The following SCTR variants were observed in gnomAD, a reference collection of about 807,000 sequenced individuals.
The protein encoded by SCTR is secretin receptor.
A neutral mutation model predicts 60.8 loss-of-function variants in SCTR; 56 were observed. The ratio of observed to expected loss-of-function variants is 0.92; its 90% CI spans 0.74 to 1.15. The LOEUF (loss-of-function observed/expected upper bound fraction) is 1.15, where lower values mean the gene tolerates loss of function less well. Among genes scored for constraint, SCTR ranks in the 50% most tolerant of loss-of-function variants. The probability of loss-of-function intolerance (pLI) is 0.00; values close to 1 mark genes in which losing one functional copy is unlikely to be tolerated. For synonymous variants in SCTR, 202 were observed against 217.0 expected (o/e 0.93, Z 0.61); for missense variants, 562 against 550.4 (o/e 1.02, Z -0.21).
chr2:119,514,204 GC>G, intron 1 of SCTR, among the ~76,000 whole-genome samples: 1 of 152,270 alleles, frequency 6.6e-6, no homozygotes, highest in Non-Finnish European at 1.5e-5. Flanking sequence ...ACCAACAACT[GC>G]CCCCTGGGAA....
At chr2:119,512,770 A>G (rs1219246164) in intron 1 of SCTR, among the ~76,000 whole-genome samples, 1 of 152,184 alleles carries the variant, frequency 6.6e-6, no homozygotes, top group Non-Finnish European at 1.5e-5. Context: ...TGTTTCATAC[A>G]TTTAACTTCC....
At chr2:119,490,582 C>G (rs1383097956) in intron 2 of SCTR, among the ~76,000 whole-genome samples, 2 of 152,196 alleles carry the variant, frequency 1.3e-5, no homozygotes, top group African/African-American at 4.8e-5. Context: ...TTCCTTTATT[C>G]CTTCCTCCAA....
chr2:119,442,956 C>A (rs935640076), intron 11 of SCTR, among the ~76,000 whole-genome samples: 1 of 152,042 alleles, frequency 6.6e-6, no homozygotes, highest in Non-Finnish European at 1.5e-5. Context: ...CATTTAACCT[C>A]GCCAAAGCTC....
At chr2:119,508,197 G>A (rs1024830078) in intron 1 of SCTR, among the ~76,000 whole-genome samples, 3 of 152,060 alleles carry the variant, frequency 2.0e-5, no homozygotes, top group African/African-American at 2.4e-5. Flanking sequence ...CCTCTTCTAC[G>A]TGTGGATATT....
At chr2:119,517,455 T>C (rs1298509029) in intron 1 of SCTR, among the ~76,000 whole-genome samples, 5 of 152,170 alleles carry the variant, frequency 3.3e-5, no homozygotes, top group African/African-American at 1.2e-4. Flanking sequence ...CCACCGTGCT[T>C]AGTCTACAAT....
chr2:119,480,593 A>T (rs1677555173), intron 2 of SCTR: 2 of 152,240 alleles, frequency 1.3e-5, no homozygotes, highest in Non-Finnish European at 2.9e-5. Context: ...AGTCCCTCAC[A>T]AATTAAACAA....
At position 119,461,960 on chromosome 2, in the gene SCTR, A is replaced by G; in HGVS notation, c.677T>C (p.Ile226Thr). Reference protein sequence around the residue: ...KLVMVLFQYCIMANYSWLLVE... With the variant: ...KLVMVLFQYCTMANYSWLLVE... ...CAGCAGCCAGGAGTAGTTGGCCATG[A>G]TGCAGTACTGGAACAGCACCATGAC... Residue 226 changes from isoleucine to threonine, a missense_variant, in exon 7 of 13, where the codon ATC becomes ACC. Ile to Thr is a moderately conservative substitution (Grantham distance 89). Coordinates refer to ENST00000019103, the MANE Select transcript of SCTR (RefSeq NM_002980.3). 1 of 1,613,866 alleles carries G rather than the reference A, an allele frequency of 6.2e-7. No homozygotes were observed. Among genetic ancestry groups the G allele is most frequent in the Non-Finnish European group, 8.5e-7 (1 of 1,179,902 alleles).
At chr2:119,445,048 C>T (rs1292771235) in intron 11 of SCTR, among the ~76,000 whole-genome samples, 1 of 150,926 alleles carries the variant, frequency 6.6e-6, no homozygotes, top group Non-Finnish European at 1.5e-5. Flanking sequence ...CATCAACATT[C>T]GTATGAGAAC....
intron 1 of SCTR, among the ~76,000 whole-genome samples, chr2:119,495,159 A>G (rs6708060): frequency 0.067 from 10,267 of 152,204 alleles, 1,146 homozygotes; most frequent in African/African-American, 0.23. Context: ...AGATATATAT[A>G]CACACACATA....
At chr2:119,478,754 C>A in intron 3 of SCTR, 57 bp downstream of exon 3, 1 of 1,559,736 alleles carries the variant, frequency 6.4e-7, no homozygotes, top group Non-Finnish European at 8.8e-7. Context: ...AGCTGAGGCC[C>A]CACCCAGAGG....
At position 119,461,876 on chromosome 2, in the gene SCTR, T is replaced by C. The variant is rs1405658330; in HGVS notation, c.761A>G (p.Tyr254Cys). The C allele has an allele frequency of 6.2e-7, 1 of 1,613,348 alleles. No individual in the cohort carries two copies. The highest frequency in any genetic ancestry group is 8.5e-7 in the Non-Finnish European group (1 of 1,179,734). Residue 254 changes from tyrosine to cysteine, a missense_variant, in exon 7 of 13, where the codon TAC becomes TGC. Tyr to Cys is a radical substitution (Grantham distance 194). Coordinates refer to ENST00000019103, the MANE Select transcript of SCTR (RefSeq NM_002980.3). Reference sequence around the variant, plus strand: ...TCCGAATGCCACAAATCCCTGGAGGTACTTTCTTTCAGAGAAGAAGGAGAT... The same window carrying C: ...TCCGAATGCCACAAATCCCTGGAGGCACTTTCTTTCAGAGAAGAAGGAGAT... ...LAISFFSERK[Y>C]LQGFVAFGWG...
chr2:119,454,939 T>C (rs1391093500), intron 7 of SCTR, among the ~76,000 whole-genome samples: 3 of 152,254 alleles, frequency 2.0e-5, no homozygotes, highest in African/African-American at 7.2e-5. Flanking sequence ...CACCTTGGGT[T>C]GAACAGAATA....
intron 2 of SCTR, among the ~76,000 whole-genome samples, chr2:119,488,875 C>A (rs1317113403): frequency 6.6e-6 from 1 of 152,214 alleles, no homozygotes; most frequent in African/African-American, 2.4e-5. Context: ...ATCCTCTAGC[C>A]CAAGAGCCCC....
chr2:119,450,145 CAAGG>C (rs754233152), intron 9 of SCTR, among the ~76,000 whole-genome samples: 6,167 of 144,502 alleles, frequency 0.043, 149 homozygotes, highest in Middle Eastern at 0.11. Flanking sequence ...AGGAAGGAAG[CAAGG>C]AAGCAAGCAA....
chr2:119,449,767 G>C (rs1452573342), intron 9 of SCTR, among the ~76,000 whole-genome samples: 1 of 152,124 alleles, frequency 6.6e-6, no homozygotes, highest in East Asian at 1.9e-4. Flanking sequence ...ATTAGTGGCT[G>C]TCTAGGACTC....
intron 11 of SCTR, among the ~76,000 whole-genome samples, chr2:119,442,281 G>A (rs1332011029): frequency 6.6e-6 from 1 of 152,224 alleles, no homozygotes; most frequent in Non-Finnish European, 1.5e-5. Flanking sequence ...TGTCAGGGGA[G>A]GGACTCCAGG....
At chr2:119,521,256 T>G (rs1005310684) in intron 1 of SCTR, among the ~76,000 whole-genome samples, 1 of 152,232 alleles carries the variant, frequency 6.6e-6, no homozygotes, top group Non-Finnish European at 1.5e-5. Flanking sequence ...CACATTTCTG[T>G]ACAATTTAGC....
chr2:119,479,156 G>GAGGAAGGGAAGAAGGGAAGA, intron 2 of SCTR: 1 of 1,256,798 alleles, frequency 8.0e-7, no homozygotes, highest in Middle Eastern at 3.0e-4. Context: ...GAAAGGGAGG[G>GAGGAAGGGAAGAAGGGAAGA]AGGAAGGGAA....
intron 3 of SCTR, chr2:119,476,503 TGCC>T (rs1452733124): frequency 1.3e-5 from 2 of 152,200 alleles, no homozygotes; most frequent in Admixed American, 1.3e-4. Flanking sequence ...TCCAGCTTCC[TGCC>T]GCGGACCATG....
Sources: allele counts gnomAD v4.1 joint callset (sites outside exome capture counted in the v4.1 genomes callset), GRCh38; gene constraint gnomAD v4.1.1; transcripts MANE v1.5; gene names NCBI Gene and HGNC (gene_info 2026-07-23, HGNC 2026-07-21).